The following LRFN5 variants were observed in gnomAD, a reference collection of about 807,000 sequenced individuals.
The protein encoded by LRFN5 is leucine-rich repeat and fibronectin type-III domain-containing protein 5.
LRFN5 carries 24 observed loss-of-function variants against 45.6 expected under a neutral mutation model. The observed-to-expected ratio is 0.53, with a 90% CI of 0.38 to 0.74. LRFN5 has a LOEUF of 0.74. Ranked by LOEUF, LRFN5 falls within the 30% of genes least tolerant of loss-of-function variation. LRFN5 has a pLI of 0.00. For missense variants in LRFN5, 776 were observed against 861.5 expected, an observed-to-expected ratio of 0.90 and a Z score of 1.24; for synonymous variants, 340 against 313.8, an observed-to-expected ratio of 1.08 and a Z score of -0.88.
intron 1 of LRFN5, among the ~76,000 whole-genome samples, chr14:41,644,427 A>G (rs1189001979): frequency 6.6e-6 from 1 of 152,232 alleles, no homozygotes; most frequent in Non-Finnish European, 1.5e-5. Flanking sequence ...ATTTAGGAAT[A>G]TAATTGCAAG....
intron 2 of LRFN5, among the ~76,000 whole-genome samples, chr14:41,856,378 A>G (rs1269480787): frequency 6.6e-6 from 1 of 152,186 alleles, no homozygotes; most frequent in Non-Finnish European, 1.5e-5. Flanking sequence ...AAATGTAAAT[A>G]GTGCATAGCC....
At chr14:41,830,822 C>G (rs1227300092) in intron 2 of LRFN5, among the ~76,000 whole-genome samples, 1 of 152,182 alleles carries the variant, frequency 6.6e-6, no homozygotes, top group Non-Finnish European at 1.5e-5. Context: ...TTGGAAAGAA[C>G]TGGCCATGGA....
rs1303395539 is a variant in LRFN5, at chr14:41,673,373, G to T, written c.-197+64811G>T. ...ACCCCCCACCTCCCTCCCGGACGGG[G>T]CGGCTGGCCGGGCAGGGGGCTGACC... is the stretch of plus-strand genomic sequence containing the variant. On this transcript the variant is annotated intron_variant, in intron 1 of 5. Coordinates refer to ENST00000298119, the MANE Select transcript of LRFN5 (RefSeq NM_152447.5). 2.1e-5 allele frequency among the ~76,000 whole-genome samples: 3 copies of T among 145,822 alleles called. 1 individual carries two copies. Among genetic ancestry groups the T allele is most frequent in the Admixed American group, 6.6e-5 (1 of 15,082 alleles).
intron 1 of LRFN5, among the ~76,000 whole-genome samples, chr14:41,673,792 C>A (rs551629823): frequency 1.4e-5 from 2 of 141,376 alleles, no homozygotes; most frequent in African/African-American, 5.3e-5. Context: ...GCTGGCCGGG[C>A]GGGGGGTGAC....
chr14:41,816,590 A>C (rs775442532), intron 2 of LRFN5, among the ~76,000 whole-genome samples: 1 of 151,978 alleles, frequency 6.6e-6, no homozygotes, highest in Non-Finnish European at 1.5e-5. Context: ...AACACTATAC[A>C]TATTTCTCTT....
intron 4 of LRFN5, among the ~76,000 whole-genome samples, chr14:41,895,639 A>T (rs1316229241): frequency 2.0e-5 from 3 of 152,100 alleles, no homozygotes; most frequent in African/African-American, 4.8e-5. Context: ...GAGAAGAAAA[A>T]AAAAGTAAAT....
intron 1 of LRFN5, among the ~76,000 whole-genome samples, chr14:41,722,380 A>G (rs563828082): frequency 6.5e-4 from 99 of 152,162 alleles, no homozygotes; most frequent in African/African-American, 2.3e-3. Flanking sequence ...CATTTTGGTT[A>G]GTGACCGTTA....
chr14:41,675,611 AGGGAGAG>A (rs367900494), intron 1 of LRFN5, among the ~76,000 whole-genome samples: 4,741 of 151,770 alleles, frequency 0.031, 223 homozygotes, highest in African/African-American at 0.1. Flanking sequence ...GGACAGGGAG[AGGGAGAG>A]GGGAGAGGGG....
At chr14:41,711,164 T>G (rs1883268497) in intron 1 of LRFN5, among the ~76,000 whole-genome samples, 1 of 152,000 alleles carries the variant, frequency 6.6e-6, no homozygotes, top group African/African-American at 2.4e-5. Flanking sequence ...ATGAAAAAAA[T>G]GGTCTTAAAT....
intron 1 of LRFN5, among the ~76,000 whole-genome samples, chr14:41,687,099 C>T (rs1316448121): frequency 6.6e-6 from 1 of 152,094 alleles, no homozygotes; most frequent in Non-Finnish European, 1.5e-5. Context: ...ATGTACCTAT[C>T]TGACAAAGGT....
chr14:41,897,587 A>C (rs986198272), intron 4 of LRFN5, among the ~76,000 whole-genome samples: 3 of 152,162 alleles, frequency 2.0e-5, no homozygotes, highest in Non-Finnish European at 4.4e-5. Flanking sequence ...AATTTTAATT[A>C]CTATGAAAAC....
chr14:41,798,753 T>C (rs988928003), intron 2 of LRFN5, among the ~76,000 whole-genome samples: 1 of 152,076 alleles, frequency 6.6e-6, no homozygotes, highest in Non-Finnish European at 1.5e-5. Flanking sequence ...TTGCAACTTA[T>C]GCCTTTTATC....
chr14:41,857,186 TA>T (rs2139089368), intron 2 of LRFN5, among the ~76,000 whole-genome samples: 1 of 152,298 alleles, frequency 6.6e-6, no homozygotes, highest in African/African-American at 2.4e-5. Context: ...AAGTGGAAGT[TA>T]ATCTTCATAT....
intron 2 of LRFN5, among the ~76,000 whole-genome samples, chr14:41,848,242 C>T (rs955545455): frequency 8.6e-5 from 13 of 151,896 alleles, no homozygotes; most frequent in African/African-American, 3.1e-4. Flanking sequence ...ATAATAAAAA[C>T]AAACAAACAT....
chr14:41,890,822 A>G (rs909824697), intron 3 of LRFN5, among the ~76,000 whole-genome samples: 5 of 152,184 alleles, frequency 3.3e-5, no homozygotes, highest in Admixed American at 2.6e-4. Context: ...ATGCGTATCT[A>G]TTTTGATTTC....
chr14:41,892,004 C>T, intron 4 of LRFN5, 42 bp downstream of exon 4: 1 of 1,591,604 alleles, frequency 6.3e-7, no homozygotes, highest in Non-Finnish European at 8.5e-7. Flanking sequence ...CGGAGCAAGG[C>T]ACAAGTACTC....
intron 3 of LRFN5, among the ~76,000 whole-genome samples, chr14:41,888,448 C>A (rs767967773): frequency 6.6e-6 from 1 of 152,036 alleles, no homozygotes; most frequent in African/African-American, 2.4e-5. Flanking sequence ...TTTTGAATAT[C>A]CTCAGTGGTG....
At chr14:41,676,567 T>G (rs1031873492) in intron 1 of LRFN5, among the ~76,000 whole-genome samples, 2 of 151,794 alleles carry the variant, frequency 1.3e-5, no homozygotes, top group Non-Finnish European at 2.9e-5. Context: ...AACAGACAAC[T>G]AAGAAGAACC....
intron 1 of LRFN5, among the ~76,000 whole-genome samples, chr14:41,690,631 G>A (rs968329669): frequency 2.0e-5 from 3 of 151,908 alleles, no homozygotes; most frequent in Non-Finnish European, 1.5e-5. Flanking sequence ...ATAATAGAAG[G>A]GAATTTGCTT....
Sources: allele counts gnomAD v4.1 joint callset (sites outside exome capture counted in the v4.1 genomes callset), GRCh38; gene constraint gnomAD v4.1.1; transcripts MANE v1.5; gene names NCBI Gene and HGNC (gene_info 2026-07-23, HGNC 2026-07-21).